The following GAREM1 variants were observed in gnomAD, a reference collection of about 807,000 sequenced individuals.
GAREM1 encodes the protein GRB2-associated and regulator of MAPK protein 1.
In GAREM1, 26 loss-of-function variants were observed where a neutral mutation model predicts 71.3. That is an observed-to-expected ratio of 0.36 (90% CI 0.27 to 0.51). GAREM1 has a LOEUF of 0.51. GAREM1 is among the 20% of genes least tolerant of loss of function. The probability of loss-of-function intolerance (pLI) is 0.95; values close to 1 mark genes in which losing one functional copy is unlikely to be tolerated. For synonymous variants in GAREM1, 440 were observed against 433.2 expected (o/e 1.02, Z -0.20); for missense variants, 1,026 against 1,103.1 (o/e 0.93, Z 0.99).
intron 1 of GAREM1, among the ~76,000 whole-genome samples, chr18:32,462,854 T>C (rs1254256972): frequency 3.3e-5 from 5 of 152,106 alleles, no homozygotes. Context: ...CACTATGGGT[T>C]ATATATAAAA....
chr18:32,306,915 G>A (rs867038258), intron 3 of GAREM1, among the ~76,000 whole-genome samples: 4 of 152,012 alleles, frequency 2.6e-5, no homozygotes, highest in Non-Finnish European at 5.9e-5. Context: ...TTCATTTCAC[G>A]CAGTTAATCG....
intron 1 of GAREM1, among the ~76,000 whole-genome samples, chr18:32,396,357 T>C (rs577549189): frequency 3.2e-4 from 49 of 152,258 alleles, no homozygotes; most frequent in Non-Finnish European, 5.4e-4. Context: ...CAAACTTCTC[T>C]GAGCTAAAGG....
intron 2 of GAREM1, among the ~76,000 whole-genome samples, chr18:32,316,974 T>C (rs922484949): frequency 6.6e-6 from 1 of 152,226 alleles, no homozygotes; most frequent in African/African-American, 2.4e-5. Flanking sequence ...AAATCAGCCA[T>C]AGACAACACA....
At position 32,267,964 on chromosome 18, in the gene GAREM1, TA is replaced by T. The variant is rs756041371; in HGVS notation, c.2537del (p.Leu846GlnfsTer12). Reference sequence around the variant, plus strand: ...AATCCTCTGAGAGGATTTCTTCCGTTAGCTGAACAAGCAGGTTCCCATCAAT... The same window carrying T: ...AATCCTCTGAGAGGATTTCTTCCGTTGCTGAACAAGCAGGTTCCCATCAAT... ...EKIDGNLLVQ[L>X]TEEILSEDFK... On this transcript the variant is annotated frameshift_variant, in exon 6 of 6. Transcript: ENST00000269209. LOFTEE classifies it high-confidence loss of function. The T allele has an allele frequency of 2.5e-6, 4 of 1,613,812 alleles. No homozygotes were observed. The highest frequency in any genetic ancestry group is 1.3e-5 in the African/African-American group (1 of 74,918).
At chr18:32,324,883 C>T (rs1196571782) in intron 2 of GAREM1, among the ~76,000 whole-genome samples, 1 of 152,140 alleles carries the variant, frequency 6.6e-6, no homozygotes, top group African/African-American at 2.4e-5. Context: ...AAAGGCAAAA[C>T]TATGGAAACA....
Position 32,470,594 on chromosome 18 carries a change from G to A in GAREM1, c.-166C>T, listed in dbSNP as rs1361856023. On this transcript the variant is annotated 5_prime_UTR_variant, in exon 1 of 6. Coordinates refer to ENST00000269209, the MANE Select transcript of GAREM1 (RefSeq NM_001242409.2). The surrounding 1 kb of genome is among the most constrained non-coding windows in gnomAD (Gnocchi z 4.4). ...GCGCGGCGACTGGGGCGGCCCGGAG[G>A]GAGGGGGCCGGCGCCCGGCTCAGCT... The A allele has an allele frequency of 3.8e-6, 1 of 261,992 alleles. No homozygotes were observed. The highest frequency in any genetic ancestry group is 2.3e-5 in the African/African-American group (1 of 43,084). 16.2% of individuals were successfully genotyped at this position (261,992 alleles called of 1,614,324 possible).
intron 2 of GAREM1, among the ~76,000 whole-genome samples, chr18:32,361,510 C>T (rs949203410): frequency 4.6e-5 from 7 of 151,930 alleles, no homozygotes; most frequent in Non-Finnish European, 1.0e-4. Context: ...TATAATTAAC[C>T]ACAAATTCAT....
At chr18:32,381,898 C>T (rs1255786351) in intron 2 of GAREM1, among the ~76,000 whole-genome samples, 2 of 152,180 alleles carry the variant, frequency 1.3e-5, no homozygotes, top group Non-Finnish European at 2.9e-5. Flanking sequence ...CCCTTAACCT[C>T]GTTCACCTGA....
intron 3 of GAREM1, among the ~76,000 whole-genome samples, chr18:32,297,962 G>C (rs1178180032): frequency 6.6e-6 from 1 of 152,120 alleles, no homozygotes; most frequent in Admixed American, 6.5e-5. Context: ...ATTAAGAAAT[G>C]ATAAGTCTAG....
chr18:32,287,485 G>A lies in GAREM1; in HGVS notation c.1112C>T (p.Ser371Leu), dbSNP rs767047213. The change falls in exon 4 of 6, where the codon TCG (serine) becomes TTG (leucine). Residue 371 changes from serine (S) to leucine (L), a missense_variant. Ser to Leu is a moderately radical substitution (Grantham distance 145). Coordinates refer to ENST00000269209, the MANE Select transcript of GAREM1 (RefSeq NM_001242409.2). This position sits in a 1 kb window ranked among gnomAD's most constrained non-coding sequence, Gnocchi z 5.9. ...GAGCTCATCGCGGGCGTAGCTGAGC[G>A]AATTGGGCACGTGGTTGTGGCCAGA... The part of the protein sequence containing the change: ...RCSGHNHVPN[S>L]LSYARDELTQ... 19 of 1,614,196 alleles carry A rather than the reference G, an allele frequency of 1.2e-5. No homozygotes were observed. In the Admixed American group the frequency reaches 1.3e-4, roughly 11 times the overall value.
At chr18:32,391,452 C>A (rs936918276) in intron 2 of GAREM1, among the ~76,000 whole-genome samples, 9 of 152,168 alleles carry the variant, frequency 5.9e-5, no homozygotes, top group Non-Finnish European at 1.0e-4. Flanking sequence ...GAGCTTTTCA[C>A]AGCGCTTTTG....
chr18:32,443,181 C>G (rs1274091300), intron 1 of GAREM1, among the ~76,000 whole-genome samples: 3 of 151,860 alleles, frequency 2.0e-5, no homozygotes, highest in Non-Finnish European at 4.4e-5. Context: ...GAGTTAAAAC[C>G]ATAAAACTCT....
intron 1 of GAREM1, among the ~76,000 whole-genome samples, chr18:32,444,943 A>G (rs577666806): frequency 2.0e-5 from 3 of 152,168 alleles, no homozygotes; most frequent in Non-Finnish European, 4.4e-5. Context: ...TTCAAGACTC[A>G]GCATAGGCAA....
Position 32,288,323 on chromosome 18 carries a change from C to T in GAREM1, c.394-120G>A. 5.5e-6 allele frequency: 4 copies of T among 721,946 alleles called. No homozygotes were observed. The South Asian group carries it at 8.3e-5, about 15-fold the overall frequency. The allele number at this position is 721,946 out of a possible 1,614,324, so 44.7% of individuals were successfully genotyped here. A position where few individuals can be genotyped will look rare whatever the true frequency, so the allele number is the denominator to read the frequency against. On this transcript the variant is annotated intron_variant, in intron 3 of 5. Transcript: ENST00000269209. ...GAAAATGCTGCGCTTTTCTTTAATA[C>T]TAAATTTAGACACCTCATTTCTTTT... is the stretch of plus-strand genomic sequence containing the variant.
intron 2 of GAREM1, among the ~76,000 whole-genome samples, chr18:32,370,950 C>A (rs1265097703): frequency 6.6e-6 from 1 of 152,062 alleles, no homozygotes; most frequent in Non-Finnish European, 1.5e-5. Flanking sequence ...CTGACAGGCA[C>A]TAGAGATACA....
chr18:32,319,074 C>T (rs757459516), intron 2 of GAREM1, among the ~76,000 whole-genome samples: 17 of 152,200 alleles, frequency 1.1e-4, no homozygotes, highest in South Asian at 6.2e-4. Context: ...AAAGCAGGTG[C>T]TTACTAAATA....
At chr18:32,467,050 T>G (rs1228306190) in intron 1 of GAREM1, among the ~76,000 whole-genome samples, 4 of 151,898 alleles carry the variant, frequency 2.6e-5, no homozygotes, top group Non-Finnish European at 5.9e-5. Context: ...AATTGGAGAG[T>G]TCTTTATATA....
chr18:32,427,761 A>G (rs889512798), intron 1 of GAREM1, among the ~76,000 whole-genome samples: 2 of 152,228 alleles, frequency 1.3e-5, no homozygotes, highest in Non-Finnish European at 2.9e-5. Flanking sequence ...TGACTCATGA[A>G]TATTTCCAAT....
intron 2 of GAREM1, among the ~76,000 whole-genome samples, chr18:32,389,606 T>C (rs1416338512): frequency 6.6e-6 from 1 of 151,802 alleles, no homozygotes; most frequent in Non-Finnish European, 1.5e-5. Context: ...TTAGCTGCCC[T>C]AAAAAAAAGT....
Sources: allele counts gnomAD v4.1 joint callset (sites outside exome capture counted in the v4.1 genomes callset), GRCh38; gene constraint gnomAD v4.1.1; non-coding constraint Gnocchi (gnomAD v3.1); transcripts MANE v1.5; gene names NCBI Gene and HGNC (gene_info 2026-07-23, HGNC 2026-07-21).